Variants in SUMF1 observed in about 807,000 individuals in gnomAD.
SUMF1 encodes the protein formylglycine-generating enzyme.
In SUMF1, 48 loss-of-function variants were observed where a neutral mutation model predicts 47.6. The observed-to-expected ratio is 1.01, with a 90% confidence interval of 0.80 to 1.28. The LOEUF is 1.28. SUMF1 is among the 50% of genes most tolerant of loss of function. SUMF1 has a pLI of 0.00. For synonymous variants in SUMF1, 230 were observed against 192.1 expected (o/e 1.20, Z -1.63); for missense variants, 571 against 485.4 (o/e 1.18, Z -1.66).
At chr3:4,303,460 C>G in intron 8 of SUMF1, 3 of 1,533,582 alleles carry the variant, frequency 2.0e-6, no homozygotes, top group Non-Finnish European at 2.6e-6. Flanking sequence ...AGCTGGATGT[C>G]GCGTGCGGCC....
At chr3:4,168,880 A>T (rs1694769789) in intron 8 of SUMF1, among the ~76,000 whole-genome samples, 1 of 152,192 alleles carries the variant, frequency 6.6e-6, no homozygotes, top group Admixed American at 6.5e-5. Flanking sequence ...ATCAATTTCC[A>T]TCTAAACTCT....
chr3:4,341,803 T>A (rs1270375138), intron 8 of SUMF1, among the ~76,000 whole-genome samples: 1 of 152,238 alleles, frequency 6.6e-6, no homozygotes, highest in Non-Finnish European at 1.5e-5. Flanking sequence ...CTTCTTGCCT[T>A]GCTCACCTAG....
chr3:4,338,293 A>G (rs1399421502), intron 8 of SUMF1, among the ~76,000 whole-genome samples: 1 of 152,158 alleles, frequency 6.6e-6, no homozygotes, highest in African/African-American at 2.4e-5. Flanking sequence ...AAGAAAAAAA[A>G]AAAAGATACT....
In SUMF1 at chr3:4,436,860, A is replaced by C. The variant is rs548140841; in HGVS notation, c.519+12406T>G. Among the ~76,000 whole-genome samples the C allele has an allele frequency of 1.6e-3, 152 of 97,868 alleles. 2 individuals are homozygous for C. Among genetic ancestry groups the C allele is most frequent in the Non-Finnish European group, 2.1e-3 (75 of 36,344 alleles). The allele number at this position is 97,868 out of a possible 152,430, so 64.2% of individuals were successfully genotyped here. On this transcript the variant is annotated intron_variant, in intron 3 of 8. Transcript: ENST00000272902. ...CCAGAGCTGCATCACCTAAAAAAAA[A>C]AAAATACAAAAAACAAAAAACAAAA...
At chr3:4,371,558 T>C (rs532007252) in intron 8 of SUMF1, among the ~76,000 whole-genome samples, 1 of 152,340 alleles carries the variant, frequency 6.6e-6, no homozygotes, top group Admixed American at 6.5e-5. Context: ...CGTCCGTTGC[T>C]CTTGCCACTA....
At chr3:4,421,800 T>TAATATA (rs1553576663) in intron 3 of SUMF1, among the ~76,000 whole-genome samples, 13 of 152,164 alleles carry the variant, frequency 8.5e-5, no homozygotes, top group African/African-American at 3.1e-4. Flanking sequence ...ATGATTCTTC[T>TAATATA]AATACAAATA....
chr3:4,328,013 C>G (rs1698979056), intron 8 of SUMF1, among the ~76,000 whole-genome samples: 2 of 152,068 alleles, frequency 1.3e-5, no homozygotes. Flanking sequence ...TCTAGGAATT[C>G]AAGACCAGCT....
intron 8 of SUMF1, among the ~76,000 whole-genome samples, chr3:4,080,902 A>T (rs73806866): frequency 0.024 from 3,718 of 152,234 alleles, 162 homozygotes; most frequent in African/African-American, 0.082. Flanking sequence ...TCTGAATTCA[A>T]ATCTTGACTT....
At chr3:4,075,053 T>G (rs1692389798) in intron 8 of SUMF1, among the ~76,000 whole-genome samples, 1 of 152,110 alleles carries the variant, frequency 6.6e-6, no homozygotes, top group South Asian at 2.1e-4. Flanking sequence ...AAAAGGGAAT[T>G]TTAGGCCAAT....
intron 3 of SUMF1, among the ~76,000 whole-genome samples, chr3:4,446,299 T>C (rs1450497099): frequency 6.6e-6 from 1 of 152,080 alleles, no homozygotes; most frequent in Admixed American, 6.5e-5. Flanking sequence ...AGTAAATAAG[T>C]CTCACGAGAT....
intron 8 of SUMF1, among the ~76,000 whole-genome samples, chr3:4,308,564 T>G (rs575541102): frequency 1.2e-3 from 179 of 152,318 alleles, no homozygotes; most frequent in Non-Finnish European, 2.2e-3. Context: ...CCACCCCAAA[T>G]GTGGGTATTA....
At chr3:4,302,972 C>T (rs1168165449) in intron 8 of SUMF1, among the ~76,000 whole-genome samples, 1 of 152,174 alleles carries the variant, frequency 6.6e-6, no homozygotes, top group African/African-American at 2.4e-5. Flanking sequence ...AACTTCCCGG[C>T]AAGCCGCAGA....
intron 1 of SUMF1, among the ~76,000 whole-genome samples, chr3:4,460,649 CAT>C (rs759515438): frequency 0.013 from 1,895 of 141,834 alleles, 38 homozygotes; most frequent in African/African-American, 0.044. Flanking sequence ...TATATATATA[CAT>C]ATATATATAT....
intron 6 of SUMF1, among the ~76,000 whole-genome samples, chr3:4,415,839 A>G (rs1338857161): frequency 3.9e-5 from 6 of 152,136 alleles, no homozygotes; most frequent in Non-Finnish European, 8.8e-5. Flanking sequence ...ATAAGTAAAT[A>G]AAATGGCTCA....
intron 8 of SUMF1, chr3:4,303,963 C>A: frequency 1.2e-6 from 1 of 852,906 alleles, no homozygotes; most frequent in Non-Finnish European, 1.6e-6. Context: ...CTCCCTCACG[C>A]TGTGGGCTCT....
chr3:4,231,227 G>C (rs1168755186), intron 8 of SUMF1, among the ~76,000 whole-genome samples: 9 of 152,068 alleles, frequency 5.9e-5, no homozygotes, highest in Non-Finnish European at 1.0e-4. Context: ...ATGAGGAAGA[G>C]GACTGTGATG....
intron 8 of SUMF1, among the ~76,000 whole-genome samples, chr3:4,146,875 T>A (rs531195893): frequency 6.6e-6 from 1 of 152,278 alleles, no homozygotes; most frequent in South Asian, 2.1e-4. Context: ...CTCATCATTT[T>A]TTATGGCTGC....
chr3:4,250,710 C>A (rs888420872), intron 8 of SUMF1, among the ~76,000 whole-genome samples: 1 of 151,972 alleles, frequency 6.6e-6, no homozygotes, highest in Non-Finnish European at 1.5e-5. Context: ...AATCTTAGGG[C>A]CCTTAAGAAT....
At chr3:4,333,448 G>C (rs972140559) in intron 8 of SUMF1, among the ~76,000 whole-genome samples, 1 of 152,224 alleles carries the variant, frequency 6.6e-6, no homozygotes, top group Non-Finnish European at 1.5e-5. Context: ...ATACAGAAAG[G>C]AAAGCATGCA....
Sources: allele counts gnomAD v4.1 joint callset (sites outside exome capture counted in the v4.1 genomes callset), GRCh38; gene constraint gnomAD v4.1.1; transcripts MANE v1.5; gene names NCBI Gene and HGNC (gene_info 2026-07-23, HGNC 2026-07-21).